The following ATG7 variants were observed in gnomAD, a reference collection of about 807,000 sequenced individuals.
The protein encoded by ATG7 is ubiquitin-like modifier-activating enzyme ATG7.
ATG7 carries 70 observed loss-of-function variants against 82.4 expected under a neutral mutation model. The ratio of observed to expected loss-of-function variants is 0.85; its 90% confidence interval spans 0.70 to 1.04. The LOEUF is 1.04. ATG7 is among the 50% of genes least tolerant of loss of function. ATG7 has a pLI of 0.00. For missense variants in ATG7, 792 were observed against 864.3 expected (o/e 0.92, Z 1.05); for synonymous variants, 287 against 313.0 (o/e 0.92, Z 0.88).
chr3:11,491,693 C>G (rs1336236984), intron 20 of ATG7, among the ~76,000 whole-genome samples: 1 of 152,178 alleles, frequency 6.6e-6, no homozygotes. Flanking sequence ...TTCTAACAGA[C>G]AGGACCCTCA....
At chr3:11,396,471 C>T (rs1007609433) in intron 19 of ATG7, among the ~76,000 whole-genome samples, 1 of 151,968 alleles carries the variant, frequency 6.6e-6, no homozygotes, top group Non-Finnish European at 1.5e-5. Context: ...TCTAAATGAA[C>T]ATTTGAACAT....
intron 18 of ATG7, 139 bp from the exon 19 acceptor site, chr3:11,379,833 C>G (rs146380057): frequency 2.9e-5 from 22 of 771,538 alleles, no homozygotes; most frequent in Non-Finnish European, 4.1e-5. Context: ...ATACTCATTT[C>G]GAACTTATTT....
chr3:11,444,517 G>A (rs979372450), intron 20 of ATG7, among the ~76,000 whole-genome samples: 86 of 152,132 alleles, frequency 5.7e-4, no homozygotes, highest in African/African-American at 2.0e-3. Flanking sequence ...AAGGCATACT[G>A]TAAGTTATTT....
chr3:11,378,068 C>T (rs901043173), intron 18 of ATG7, among the ~76,000 whole-genome samples: 1 of 101,320 alleles, frequency 9.9e-6, no homozygotes, highest in African/African-American at 4.7e-5. Context: ...TACTCTGTCA[C>T]TCAGGCTGGA....
At chr3:11,534,484 A>T (rs2092752594) in intron 20 of ATG7, among the ~76,000 whole-genome samples, 1 of 152,192 alleles carries the variant, frequency 6.6e-6, no homozygotes, top group Non-Finnish European at 1.5e-5. Context: ...ATGCTCATGG[A>T]GGAGAGGACA....
intron 20 of ATG7, among the ~76,000 whole-genome samples, chr3:11,532,810 T>C (rs1028896317): frequency 2.0e-5 from 3 of 152,220 alleles, no homozygotes; most frequent in Non-Finnish European, 4.4e-5. Flanking sequence ...GTCTAGATAC[T>C]GCATGAGATG....
downstream of ATG7, chr3:11,558,766 G>A (rs1265334135): frequency 4.3e-6 from 7 of 1,614,144 alleles, no homozygotes; most frequent in South Asian, 5.5e-5. Flanking sequence ...CGGGCTCCTT[G>A]TAATTCTTGC....
intron 18 of ATG7, among the ~76,000 whole-genome samples, chr3:11,373,319 T>A (rs760568234): frequency 3.9e-5 from 6 of 152,242 alleles, no homozygotes; most frequent in Non-Finnish European, 7.3e-5. Context: ...TGGTACTATT[T>A]TTAGAAAATG....
chr3:11,509,453 A>T (rs2091930993), intron 20 of ATG7, among the ~76,000 whole-genome samples: 1 of 150,820 alleles, frequency 6.6e-6, no homozygotes, highest in African/African-American at 2.4e-5. Flanking sequence ...CTTGTGTCTT[A>T]TAAGCCTCCA....
intron 20 of ATG7, among the ~76,000 whole-genome samples, chr3:11,464,779 A>G (rs2086665347): frequency 6.6e-6 from 1 of 152,116 alleles, no homozygotes; most frequent in Non-Finnish European, 1.5e-5. Context: ...CTGACCCCCT[A>G]TTTTCAAATT....
intron 7 of ATG7, 135 bp downstream of exon 7, chr3:11,309,196 G>A (rs1948243468): frequency 1.3e-5 from 12 of 893,390 alleles, no homozygotes; most frequent in East Asian, 4.9e-5. Flanking sequence ...TTAACGAAAC[G>A]CTCATTTGAT....
In ATG7 at chr3:11,340,654, A is replaced by T. The variant is rs1953406261; in HGVS notation, c.899A>T (p.Lys300Ile). 4 of 1,613,620 alleles carry T rather than the reference A, an allele frequency of 2.5e-6. No homozygotes were observed. Among genetic ancestry groups the T allele is most frequent in the Middle Eastern group, 1.7e-4 (1 of 6,060 alleles). Residue 300 changes from lysine to isoleucine, a missense_variant, in exon 12 of 21, where the codon AAA becomes ATA. Transcript: ENST00000693202. ...PEMAFSPDCP[K>I]AVGWEKNQKG... ...TTTTATTTGCCTTAAGATTGTCCTA[A>T]AGCAGTTGGATGGGAAAAGAACCAG...
intron 19 of ATG7, among the ~76,000 whole-genome samples, chr3:11,416,077 T>A (rs2081351717): frequency 6.6e-6 from 1 of 152,230 alleles, no homozygotes; most frequent in Admixed American, 6.5e-5. Context: ...GACTGAAATG[T>A]CATGTGGTGC....
At chr3:11,346,336 G>A (rs753595165) in intron 13 of ATG7, among the ~76,000 whole-genome samples, 3 of 152,174 alleles carry the variant, frequency 2.0e-5, no homozygotes, top group Non-Finnish European at 2.9e-5. Flanking sequence ...CAGTATGTCA[G>A]ATTATTTCTT....
At chr3:11,363,918 CTTTT>C (rs2076433791) in intron 17 of ATG7, among the ~76,000 whole-genome samples, 1 of 152,088 alleles carries the variant, frequency 6.6e-6, no homozygotes, top group Non-Finnish European at 1.5e-5. Flanking sequence ...AAAAGCGGGG[CTTTT>C]TTGTCTTCCT....
intron 9 of ATG7, among the ~76,000 whole-genome samples, chr3:11,319,855 A>T (rs1265806370): frequency 6.6e-6 from 1 of 152,154 alleles, no homozygotes. Flanking sequence ...TCTCTGCTAT[A>T]CTGCAGCAGC....
intron 20 of ATG7, among the ~76,000 whole-genome samples, chr3:11,460,167 T>C (rs919360451): frequency 6.6e-6 from 1 of 152,120 alleles, no homozygotes; most frequent in African/African-American, 2.4e-5. Flanking sequence ...AGTCCACTGG[T>C]TCTTTTGGCG....
chr3:11,508,349 A>T (rs1415932355), intron 20 of ATG7, among the ~76,000 whole-genome samples: 1 of 152,050 alleles, frequency 6.6e-6, no homozygotes, highest in East Asian at 1.9e-4. Flanking sequence ...AAAAAAAAAA[A>T]AGAAAAAATT....
intron 5 of ATG7, among the ~76,000 whole-genome samples, chr3:11,304,061 A>G (rs571171707): frequency 1.3e-5 from 2 of 152,072 alleles, no homozygotes; most frequent in Non-Finnish European, 2.9e-5. Flanking sequence ...ACTGCACTCC[A>G]GCCTGGGTGA....
Sources: gnomAD v4.1 joint callset for allele counts (sites outside exome capture counted in the v4.1 genomes callset) on GRCh38, gnomAD v4.1.1 for gene constraint, MANE v1.5 for transcripts, NCBI Gene and HGNC (gene_info 2026-07-23, HGNC 2026-07-21) for gene names.